Variants in ASTN2 observed in about 807,000 individuals in gnomAD.
The protein encoded by ASTN2 is astrotactin-2.
In ASTN2, 54 loss-of-function variants were observed where a neutral mutation model predicts 139.8. The observed-to-expected ratio is 0.39, with a 90% CI of 0.31 to 0.48. ASTN2 has a LOEUF of 0.48. Among genes scored for constraint, ASTN2 ranks in the 20% least tolerant of loss-of-function variants. ASTN2 has a pLI of 0.95. For missense variants in ASTN2, 1,565 were observed against 1,725.1 expected (o/e 0.91, Z 1.64); for synonymous variants, 756 against 719.5 (o/e 1.05, Z -0.81).
At chr9:117,087,895 G>A (rs995584559) in intron 5 of ASTN2, among the ~76,000 whole-genome samples, 2 of 152,136 alleles carry the variant, frequency 1.3e-5, no homozygotes, top group African/African-American at 4.8e-5. Flanking sequence ...TATTTTCTGG[G>A]TATATTACTG....
At chr9:116,778,630 G>C (rs997953361) in intron 13 of ASTN2, among the ~76,000 whole-genome samples, 4 of 152,116 alleles carry the variant, frequency 2.6e-5, no homozygotes, top group Admixed American at 6.6e-5. Context: ...CTGATGACTA[G>C]CTATAGCTCC....
intron 2 of ASTN2, chr9:117,277,086 C>T (rs191096639): frequency 6.6e-6 from 1 of 152,326 alleles, no homozygotes; most frequent in East Asian, 1.9e-4. Flanking sequence ...TCCCCCCTCA[C>T]TGCTCTATGT....
chr9:117,366,934 T>C (rs1829860910), intron 1 of ASTN2, among the ~76,000 whole-genome samples: 1 of 151,872 alleles, frequency 6.6e-6, no homozygotes, highest in African/African-American at 2.4e-5. Flanking sequence ...ACCACTACAC[T>C]CAGCTAATTT....
intron 6 of ASTN2, among the ~76,000 whole-genome samples, chr9:117,019,672 T>C (rs1334098581): frequency 6.6e-6 from 1 of 152,132 alleles, no homozygotes; most frequent in Admixed American, 6.6e-5. Context: ...TTCTGGTATA[T>C]GTCGCATGAA....
intron 5 of ASTN2, among the ~76,000 whole-genome samples, chr9:117,060,201 C>T (rs2132683541): frequency 6.6e-6 from 1 of 151,386 alleles, no homozygotes; most frequent in African/African-American, 2.4e-5. Context: ...GTTCCAGCTA[C>T]CTGGGAGGCT....
chr9:117,361,329 A>C (rs1249008340), intron 1 of ASTN2, among the ~76,000 whole-genome samples: 1 of 152,280 alleles, frequency 6.6e-6, no homozygotes, highest in African/African-American at 2.4e-5. Context: ...CCAGCATAGC[A>C]AGTCGCTCCC....
intron 16 of ASTN2, among the ~76,000 whole-genome samples, chr9:116,678,463 G>A (rs767111365): frequency 2.0e-5 from 3 of 152,166 alleles, no homozygotes; most frequent in Non-Finnish European, 4.4e-5. Context: ...TACATATAAG[G>A]TGTGTAGGGA....
chr9:116,935,671 T>C (rs1285534001), intron 10 of ASTN2, among the ~76,000 whole-genome samples: 2 of 152,206 alleles, frequency 1.3e-5, no homozygotes, highest in Admixed American at 6.5e-5. Context: ...TTACTTGCTG[T>C]GTAATAGAGG....
At chr9:117,211,329 T>G (rs1193651425) in intron 3 of ASTN2, among the ~76,000 whole-genome samples, 3 of 152,246 alleles carry the variant, frequency 2.0e-5, no homozygotes, top group East Asian at 3.9e-4. Flanking sequence ...CCAAATCTCA[T>G]GTTCAATTAT....
chr9:116,922,708 T>C (rs1333048575), intron 10 of ASTN2, among the ~76,000 whole-genome samples: 1 of 152,214 alleles, frequency 6.6e-6, no homozygotes, highest in Non-Finnish European at 1.5e-5. Context: ...TAAAACTTCG[T>C]ATTAGTAGAA....
intron 2 of ASTN2, among the ~76,000 whole-genome samples, chr9:117,251,716 G>T (rs1833543545): frequency 1.3e-5 from 2 of 152,174 alleles, no homozygotes; most frequent in South Asian, 4.1e-4. Flanking sequence ...AGTTCACACT[G>T]GTAGCATTGT....
At chr9:116,855,084 A>G (rs1396838343) in intron 11 of ASTN2, among the ~76,000 whole-genome samples, 5 of 152,180 alleles carry the variant, frequency 3.3e-5, no homozygotes, top group Non-Finnish European at 5.9e-5. Flanking sequence ...GCTTACCAGA[A>G]ATACCATCAG....
intron 1 of ASTN2, among the ~76,000 whole-genome samples, chr9:117,294,023 CTCCTTG>C (rs1215546965): frequency 3.3e-5 from 5 of 152,206 alleles, no homozygotes; most frequent in Non-Finnish European, 1.5e-5. Context: ...GAAATCTGAG[CTCCTTG>C]CTCCTAGCAC....
chr9:116,656,977 G>C (rs1858256220), intron 16 of ASTN2, among the ~76,000 whole-genome samples: 5 of 152,186 alleles, frequency 3.3e-5, no homozygotes, highest in Admixed American at 2.6e-4. Context: ...GAAACATTAA[G>C]GGAGAGGGGA....
intron 7 of ASTN2, among the ~76,000 whole-genome samples, chr9:116,977,784 T>C (rs911638328): frequency 1.3e-5 from 2 of 150,072 alleles, no homozygotes; most frequent in African/African-American, 4.9e-5. Flanking sequence ...TGACGTGATC[T>C]CGGCTCACTG....
chr9:117,137,132 C>T (rs1011341473), intron 4 of ASTN2, among the ~76,000 whole-genome samples: 2 of 152,180 alleles, frequency 1.3e-5, no homozygotes, highest in African/African-American at 2.4e-5. Context: ...CATAAAACCC[C>T]AGCACTAACA....
At chr9:116,819,196 A>T (rs1222200447) in intron 12 of ASTN2, among the ~76,000 whole-genome samples, 1 of 152,160 alleles carries the variant, frequency 6.6e-6, no homozygotes. Context: ...GTTATTATTT[A>T]CCACAGAAGA....
intron 2 of ASTN2, among the ~76,000 whole-genome samples, chr9:117,240,049 T>C (rs1012277690): frequency 1.3e-5 from 2 of 152,208 alleles, no homozygotes; most frequent in Non-Finnish European, 2.9e-5. Context: ...AATAAAGCCA[T>C]CATAAAGTTG....
At chr9:117,173,807 G>A (rs1443364581) in intron 3 of ASTN2, among the ~76,000 whole-genome samples, 2 of 151,296 alleles carry the variant, frequency 1.3e-5, no homozygotes, top group African/African-American at 4.9e-5. Context: ...AAAAAGAATG[G>A]CAATAATAAT....
Sources: gnomAD v4.1 joint callset for allele counts (sites outside exome capture counted in the v4.1 genomes callset) on GRCh38, gnomAD v4.1.1 for gene constraint, MANE v1.5 for transcripts, NCBI Gene and HGNC (gene_info 2026-07-23, HGNC 2026-07-21) for gene names.